SLC9A7: variants seen among roughly 807,000 people sequenced by gnomAD.
SLC9A7 encodes sodium/hydrogen exchanger 7.
A neutral mutation model predicts 52.6 loss-of-function variants in SLC9A7; 19 were observed. The observed-to-expected ratio is 0.36, with a 90% CI of 0.25 to 0.53. SLC9A7 has a LOEUF of 0.53. SLC9A7 is among the 20% of genes least tolerant of loss of function. The probability of loss-of-function intolerance (pLI) is 0.91; values close to 1 mark genes in which losing one functional copy is unlikely to be tolerated. For synonymous variants in SLC9A7, 226 were observed against 252.1 expected, an observed-to-expected ratio of 0.90 and a Z score of 0.98; for missense variants, 455 against 597.9, an observed-to-expected ratio of 0.76 and a Z score of 2.49.
intron 1 of SLC9A7, among the ~76,000 whole-genome samples, chrX:46,745,703 A>G (rs769228218): frequency 3.6e-5 from 4 of 110,462 alleles, no homozygotes; most frequent in African/African-American, 1.3e-4. Flanking sequence ...TAATTAGCCA[A>G]ACATGGTGGT....
At position 46,758,787 on chromosome X, in the gene SLC9A7, G is replaced by A. The variant is rs1235261971; in HGVS notation, c.243C>T (p.Leu81=). ...SVSLLTFILL[L]TLTILTIWLF... The stretch of plus-strand genomic sequence containing the variant: ...GCCAGATGGTGAGGATGGTGAGCGT[G>A]AGCAGCAGGATGAAGGTGAGCAGGC... Residue 81 remains leucine, a synonymous_variant, in exon 1 of 17, where the codon CTC becomes CTT. Coordinates refer to ENST00000616978, the MANE Select transcript of SLC9A7 (RefSeq NM_001257291.2). 2 of 1,203,353 alleles carry A rather than the reference G, an allele frequency of 1.7e-6. No individual in the cohort carries two copies. Among genetic ancestry groups the A allele is most frequent in the African/African-American group, 3.5e-5 (2 of 56,971 alleles).
chrX:46,651,119 G>C lies in SLC9A7; in HGVS notation c.1341C>G (p.Ile447Met). 10 of 1,201,732 alleles carry C rather than the reference G, an allele frequency of 8.3e-6. No homozygotes were observed. Among genetic ancestry groups the C allele is most frequent in the Non-Finnish European group, 1.1e-5 (10 of 887,330 alleles). The change falls in exon 10 of 17, where the codon ATC becomes ATG. Residue 447 changes from isoleucine to methionine, a missense_variant. By Grantham distance (10) the Ile-to-Met change is conservative (BLOSUM62 1). Transcript: ENST00000616978. ...QKHVFSPIFIIGAFVAIFLGR... is the reference protein window; with the variant it reads ...QKHVFSPIFIMGAFVAIFLGR... ...AACAAGAAAAGGATACAAAAGCTCC[G>C]ATGATGAAAATGGGGCTGAAAACGT...
At chrX:46,642,665 T>A (rs1943425481) in intron 12 of SLC9A7, among the ~76,000 whole-genome samples, 1 of 111,898 alleles carries the variant, frequency 8.9e-6, no homozygotes, top group Non-Finnish European at 1.9e-5. Context: ...GTCAAACTCG[T>A]ATCAGTGCTC....
At chrX:46,669,038 G>C (rs1943973327) in intron 5 of SLC9A7, among the ~76,000 whole-genome samples, 2 of 108,849 alleles carry the variant, frequency 1.8e-5, no homozygotes, top group African/African-American at 6.7e-5. Flanking sequence ...CGTGGTGGCA[G>C]GCGCCTGTAG....
At chrX:46,692,271 C>T (rs1457386976) in intron 1 of SLC9A7, among the ~76,000 whole-genome samples, 1 of 111,608 alleles carries the variant, frequency 9.0e-6, no homozygotes, top group East Asian at 2.8e-4. Flanking sequence ...ATTCAGGTCA[C>T]TTAAAATCAG....
chrX:46,630,257 A>G (rs1342107058), intron 14 of SLC9A7, among the ~76,000 whole-genome samples: 1 of 112,083 alleles, frequency 8.9e-6, no homozygotes, highest in Non-Finnish European at 1.9e-5. Flanking sequence ...CTGATTTGGT[A>G]GATGGAATCA....
At position 46,682,960 on chromosome X, in the gene SLC9A7, A is replaced by ATTT. The variant is rs1169630244; in HGVS notation, c.326-428_326-426dup. Among the ~76,000 whole-genome samples, 45 of 64,901 alleles carry ATTT rather than the reference A, an allele frequency of 6.9e-4. 1 individual carries two copies. The highest frequency in any genetic ancestry group is 0.01 in the Middle Eastern group (1 of 98). The allele number at this position is 64,901 out of a possible 115,157, so 56.4% of individuals were successfully genotyped here. On this transcript the variant is annotated intron_variant, in intron 1 of 16. Coordinates refer to ENST00000616978, the MANE Select transcript of SLC9A7 (RefSeq NM_001257291.2). ...AGGCACCCACCACTACACCCGGCTA[A>ATTT]TTTTTTTTTTTTTTTTTTTTTTGTA...
intron 1 of SLC9A7, among the ~76,000 whole-genome samples, chrX:46,737,528 T>C (rs1408205142): frequency 1.8e-5 from 2 of 111,885 alleles, no homozygotes; most frequent in Admixed American, 1.9e-4. Context: ...TAATTTTCCA[T>C]TTGTCCAGCT....
chrX:46,680,006 G>C (rs1269836350), intron 2 of SLC9A7, among the ~76,000 whole-genome samples: 3 of 111,852 alleles, frequency 2.7e-5, no homozygotes, highest in Non-Finnish European at 3.8e-5. Context: ...AGACACAACA[G>C]TTTCATGCAA....
At chrX:46,685,835 T>C (rs1052540940) in intron 1 of SLC9A7, 2 of 112,115 alleles carry the variant, frequency 1.8e-5, no homozygotes, top group African/African-American at 6.5e-5. Flanking sequence ...AGGCAGCTAT[T>C]TGGAACATGA....
At chrX:46,638,039 C>T (rs777104897) in intron 12 of SLC9A7, among the ~76,000 whole-genome samples, 3 of 111,811 alleles carry the variant, frequency 2.7e-5, no homozygotes, top group Non-Finnish European at 5.6e-5. Context: ...CTCATCAGGG[C>T]CTCTATCAGT....
intron 1 of SLC9A7, among the ~76,000 whole-genome samples, chrX:46,682,823 T>C (rs1189206591): frequency 9.1e-6 from 1 of 109,549 alleles, no homozygotes; most frequent in Admixed American, 9.8e-5. Flanking sequence ...GAGTGGAGTC[T>C]CGCTCTCTCA....
chrX:46,628,356 C>T (rs1943169117), intron 14 of SLC9A7, among the ~76,000 whole-genome samples: 1 of 112,627 alleles, frequency 8.9e-6, no homozygotes, highest in African/African-American at 3.2e-5. Flanking sequence ...GCAAAGTCAC[C>T]AAGACCTCCA....
intron 10 of SLC9A7, among the ~76,000 whole-genome samples, chrX:46,650,489 C>CT (rs368162322): frequency 4.4e-4 from 46 of 104,485 alleles, no homozygotes; most frequent in African/African-American, 1.0e-3. Flanking sequence ...TTTCCTTCTC[C>CT]TTTTTTTTTT....
chrX:46,723,536 G>C (rs1263941966), intron 1 of SLC9A7, among the ~76,000 whole-genome samples: 10 of 110,571 alleles, frequency 9.0e-5, no homozygotes, highest in Non-Finnish European at 3.8e-5. Context: ...ATGCCAAGAG[G>C]AGGGGGAAAT....
chrX:46,708,806 G>A (rs1429473745), intron 1 of SLC9A7, among the ~76,000 whole-genome samples: 1 of 110,861 alleles, frequency 9.0e-6, no homozygotes, highest in Non-Finnish European at 1.9e-5. Context: ...GATTGGTGAT[G>A]GTAATCAATT....
chrX:46,682,419 C>T lies in SLC9A7; in HGVS notation c.442G>A (p.Gly148Arg), dbSNP rs1396630626. Residue 148 changes from glycine (G) to arginine (R), a missense_variant, in exon 2 of 17, where the codon GGA becomes AGA. Coordinates refer to ENST00000616978, the MANE Select transcript of SLC9A7 (RefSeq NM_001257291.2). ...AFSTLLVNVS[G>R]KFFEYTLKGE... Reference sequence around the variant, plus strand: ...TTCAGAGTGTATTCGAAGAACTTTCCGCTGACATTCACTAATAAGGTACTG... The same window carrying T: ...TTCAGAGTGTATTCGAAGAACTTTCTGCTGACATTCACTAATAAGGTACTG... 10 of 1,209,072 alleles carry T rather than the reference C, an allele frequency of 8.3e-6. No homozygotes were observed. The African/African-American group carries it at 8.8e-5, about 11-fold the overall frequency.
rs779306592 is a variant in SLC9A7, at chrX:46,701,954, G to A, written c.326-19419C>T. Among the ~76,000 whole-genome samples, 7 of 111,627 alleles carry A rather than the reference G, an allele frequency of 6.3e-5. No individual in the cohort carries two copies. In the South Asian group the frequency reaches 2.7e-3, roughly 42 times the overall value. ...GTATCCCTTCCCACCCAAGTCCTTCGATTCCCATACCCCATTCTCTGGACA... is the reference window on the plus strand; with the variant it reads ...GTATCCCTTCCCACCCAAGTCCTTCAATTCCCATACCCCATTCTCTGGACA... On this transcript the variant is annotated intron_variant, in intron 1 of 16. Transcript: ENST00000616978.
intron 1 of SLC9A7, among the ~76,000 whole-genome samples, chrX:46,715,870 T>G (rs1944761161): frequency 8.9e-6 from 1 of 112,063 alleles, no homozygotes; most frequent in Admixed American, 9.5e-5. Flanking sequence ...TTCGGTCAGC[T>G]GGGCTAAGCT....
Sources: allele counts gnomAD v4.1 joint callset (sites outside exome capture counted in the v4.1 genomes callset), GRCh38; gene constraint gnomAD v4.1.1; transcripts MANE v1.5; gene names NCBI Gene and HGNC (gene_info 2026-07-23, HGNC 2026-07-21).